GCG: variants seen among roughly 807,000 people sequenced by gnomAD.
GCG encodes the protein glucagon, also known as pro-glucagon.
Under a neutral mutation model 22.8 loss-of-function variants are expected in GCG, and 11 were observed. The ratio of observed to expected loss-of-function variants is 0.48; its 90% CI spans 0.30 to 0.80. The LOEUF (loss-of-function observed/expected upper bound fraction) is 0.80, where lower values mean the gene tolerates loss of function less well. Among genes scored for constraint, GCG ranks in the 30% least tolerant of loss-of-function variants. The probability of loss-of-function intolerance (pLI) is 0.06; values close to 1 mark genes in which losing one functional copy is unlikely to be tolerated. For synonymous variants in GCG, 89 were observed against 72.4 expected (o/e 1.23, Z -1.16); for missense variants, 222 against 222.0 (o/e 1.00, Z 0.00).
intron 4 of GCG, 103 bp downstream of exon 4, chr2:162,145,437 G>T: frequency 1.1e-6 from 1 of 916,936 alleles, no homozygotes; most frequent in Non-Finnish European, 1.6e-6. Flanking sequence ...TACTTTGCAA[G>T]ACTACTAATT....
Position 162,143,199 on chromosome 2 carries a change from C to A in GCG, c.*165G>T. The A allele has an allele frequency of 2.4e-6, 1 of 413,908 alleles. No individual in the cohort carries two copies. The highest frequency in any genetic ancestry group is 4.3e-5 in the Admixed American group (1 of 23,152). 25.6% of individuals were successfully genotyped at this position (413,908 alleles called of 1,614,324 possible). A position where few individuals can be genotyped will look rare whatever the true frequency, so the allele number is the denominator to read the frequency against. On this transcript the variant is annotated 3_prime_UTR_variant, in exon 6 of 6. Transcript: ENST00000418842. ...GCAATATTTTGATAAAACTTTATTC[C>A]ATTTGTAATTTTTGGCTACACAACA...
At chr2:162,149,426 T>C (rs1465358803) in intron 1 of GCG, among the ~76,000 whole-genome samples, 1 of 152,178 alleles carries the variant, frequency 6.6e-6, no homozygotes, top group Non-Finnish European at 1.5e-5. Context: ...TTAAGCTTTT[T>C]CATTAATGTA....
Position 162,147,273 on chromosome 2 carries a change from G to A in GCG, c.254+80C>T, listed in dbSNP as rs1401775637. 21 of 1,037,828 alleles carry A rather than the reference G, an allele frequency of 2.0e-5. No individual in the cohort carries two copies. In the Admixed American group the frequency reaches 3.7e-4, roughly 18 times the overall value. 64.3% of individuals were successfully genotyped at this position (1,037,828 alleles called of 1,614,324 possible). A position where few individuals can be genotyped will look rare whatever the true frequency, so the allele number is the denominator to read the frequency against. On this transcript the variant is annotated intron_variant, in intron 3 of 5. Coordinates refer to ENST00000418842, the MANE Select transcript of GCG (RefSeq NM_002054.5). ...TATGGGCACTATTTGACGAGCATAA[G>A]AACTTAATAATGTCAAGAGAAATTT... is the stretch of plus-strand genomic sequence containing the variant.
At position 162,149,068 on chromosome 2, in the gene GCG, G is replaced by A. The variant is rs771470880; in HGVS notation, c.92+19C>T. On this transcript the variant is annotated intron_variant, in intron 2 of 5. Transcript: ENST00000418842. Reference sequence around the variant, plus strand: ...TCCAACCATATTGATATGTTAGTTCGAGACTACGGATTTAATACCTGGATT... The same window carrying A: ...TCCAACCATATTGATATGTTAGTTCAAGACTACGGATTTAATACCTGGATT... 3 of 1,482,016 alleles carry A rather than the reference G, an allele frequency of 2.0e-6. No homozygotes were observed. The highest frequency in any genetic ancestry group is 1.4e-5 in the African/African-American group (1 of 72,382). 91.8% of individuals were successfully genotyped at this position (1,482,016 alleles called of 1,614,324 possible). A position where few individuals can be genotyped will look rare whatever the true frequency, so the allele number is the denominator to read the frequency against.
chr2:162,150,921 A>G (rs973585141), intron 1 of GCG, among the ~76,000 whole-genome samples: 4 of 152,140 alleles, frequency 2.6e-5, no homozygotes, highest in Admixed American at 6.6e-5. Context: ...TTCCGTATCT[A>G]ATAATATTAC....
In GCG at chr2:162,143,392, T is replaced by C. The variant is rs1262471400; in HGVS notation, c.537-22A>G. ...TTTCCTAGAGATTAAAAAAAGAAAA[T>C]GATTTAACATAATTATAATAAGATG... On this transcript the variant is annotated intron_variant, in intron 5 of 5. Transcript: ENST00000418842. 3 of 883,542 alleles carry C rather than the reference T, an allele frequency of 3.4e-6. No individual in the cohort carries two copies. In the South Asian group the frequency reaches 5.1e-5, roughly 15 times the overall value. The allele number at this position is 883,542 out of a possible 1,614,324, so 54.7% of individuals were successfully genotyped here.
chr2:162,144,973 G>A (rs1559748964), intron 4 of GCG: 1 of 151,982 alleles, frequency 6.6e-6, no homozygotes, highest in East Asian at 1.9e-4. Context: ...TGGATATGTA[G>A]TTAAATATAT....
intron 1 of GCG, among the ~76,000 whole-genome samples, chr2:162,151,813 T>A (rs371312836): frequency 6.6e-6 from 1 of 152,292 alleles, no homozygotes; most frequent in East Asian, 1.9e-4. Context: ...TACAGATCTA[T>A]CAAGTCCAAG....
rs768746048 is a variant in GCG at position 162,145,562 on chromosome 2, C to A, written c.370G>T (p.Val124Leu). ...TACTCTCGCCTTCCTCGGCCTTTCA[C>A]CAGCCAAGCAATGAATTCCTTGGCA... Reference protein sequence around the residue: ...QAAKEFIAWLVKGRGRRDFPE... With the variant: ...QAAKEFIAWLLKGRGRRDFPE... The change falls in exon 4 of 6, where the codon GTG (valine) becomes TTG (leucine). Residue 124 changes from valine to leucine, a missense_variant. Coordinates refer to ENST00000418842, the MANE Select transcript of GCG (RefSeq NM_002054.5). The A allele has an allele frequency of 6.2e-7, 1 of 1,609,846 alleles. No individual in the cohort carries two copies. Among genetic ancestry groups the A allele is most frequent in the Admixed American group, 1.7e-5 (1 of 59,532 alleles).
In GCG at chr2:162,149,137, C is replaced by G; in HGVS notation, c.42G>C (p.Leu14=). The G allele has an allele frequency of 6.2e-7, 1 of 1,612,434 alleles. No homozygotes were observed. ...GGGAACGTTGCCAGCTGCCTTGTACCAGCATTACAAATAATCCAGCCACAA... is the reference window on the plus strand; with the variant it reads ...GGGAACGTTGCCAGCTGCCTTGTACGAGCATTACAAATAATCCAGCCACAA... ...IYFVAGLFVM[L]VQGSWQRSLQ... The change falls in exon 2 of 6, where the codon CTG becomes CTC. Residue 14 remains leucine, a synonymous_variant. Transcript: ENST00000418842.
At chr2:162,151,579 C>A (rs1462906202) in intron 1 of GCG, among the ~76,000 whole-genome samples, 1 of 152,130 alleles carries the variant, frequency 6.6e-6, no homozygotes, top group African/African-American at 2.4e-5. Flanking sequence ...ATAGATGACA[C>A]TTGTTCTCTG....
In GCG at chr2:162,144,161, T is replaced by C; in HGVS notation, c.402A>G (p.Glu134=). Residue 134 remains glutamate (E), a synonymous_variant, in exon 5 of 6, where the codon GAA becomes GAG. Coordinates refer to ENST00000418842, the MANE Select transcript of GCG (RefSeq NM_002054.5). ...CAAGTTCTTCAACAATGGCGACCTC[T>C]TCTGGGAAACTAAGAAAATAAGTGT... ...VKGRGRRDFP[E]EVAIVEELGR... The C allele has an allele frequency of 6.2e-7, 1 of 1,610,420 alleles. No individual in the cohort carries two copies. The highest frequency in any genetic ancestry group is 8.5e-7 in the Non-Finnish European group (1 of 1,176,908).
chr2:162,144,273 G>GAATCCTT, intron 4 of GCG, 103 bp from the exon 5 acceptor site: 1 of 915,468 alleles, frequency 1.1e-6, no homozygotes, highest in Non-Finnish European at 1.8e-6. Flanking sequence ...TGAGGAAACA[G>GAATCCTT]TAAAGGATTC....
At chr2:162,149,438 G>A (rs1174438361) in intron 1 of GCG, among the ~76,000 whole-genome samples, 2 of 151,942 alleles carry the variant, frequency 1.3e-5, no homozygotes, top group African/African-American at 4.8e-5. Context: ...ATTAATGTAG[G>A]GACACTTCTG....
At chr2:162,143,982 T>C (rs374750885) in intron 5 of GCG, 45 bp downstream of exon 5, 12 of 1,560,306 alleles carry the variant, frequency 7.7e-6, no homozygotes, top group Non-Finnish European at 1.1e-5. Context: ...CAATCAGTAC[T>C]TATGAGAATT....
At chr2:162,149,517 A>G (rs974030434) in intron 1 of GCG, among the ~76,000 whole-genome samples, 1 of 152,100 alleles carries the variant, frequency 6.6e-6, no homozygotes, top group Non-Finnish European at 1.5e-5. Context: ...TAAAATACCC[A>G]CTGTAGATGA....
chr2:162,143,332 T>C lies in GCG; in HGVS notation c.*32A>G. On this transcript the variant is annotated 3_prime_UTR_variant, in exon 6 of 6. Transcript: ENST00000418842. ...AACATCCCACGTGGCTAGCAGGTGA[T>C]GTTGTGAAGATGATCTTGAATAGTG... 8.2e-7 allele frequency: 1 copy of C among 1,216,406 alleles called. No homozygotes were observed. The highest frequency in any genetic ancestry group is 1.5e-5 in the African/African-American group (1 of 65,914). 75.4% of individuals were successfully genotyped at this position (1,216,406 alleles called of 1,614,324 possible).
Position 162,145,538 on chromosome 2 carries a change from AC to A in GCG, c.392+1del. 1.2e-6 allele frequency: 2 copies of A among 1,606,382 alleles called. No individual in the cohort carries two copies. The stretch of plus-strand genomic sequence containing the variant: ...ATGTCAAATAAGAATGTACAGACTT[AC>A]TCTCGCCTTCCTCGGCCTTTCACCA... On this transcript the variant is annotated splice_donor_variant, in intron 4 of 5. Transcript: ENST00000418842. LOFTEE classifies it high-confidence loss of function.
At position 162,145,626 on chromosome 2, in the gene GCG, G is replaced by T. The variant is rs553036783; in HGVS notation, c.306C>A (p.Thr102=). 6.2e-6 allele frequency: 10 copies of T among 1,610,384 alleles called. No homozygotes were observed. Among genetic ancestry groups the T allele is most frequent in the Middle Eastern group, 1.6e-4 (1 of 6,080 alleles). The change falls in exon 4 of 6, where the codon ACC becomes ACA. Residue 102 remains threonine, a synonymous_variant. Coordinates refer to ENST00000418842, the MANE Select transcript of GCG (RefSeq NM_002054.5). The stretch of plus-strand genomic sequence containing the variant: ...AATAAGAACTTACATCACTGGTAAA[G>T]GTCCCTTCAGCATGTCTCTCAAATT... ...HDEFERHAEG[T]FTSDVSSYLE...
Sources: allele counts gnomAD v4.1 joint callset (sites outside exome capture counted in the v4.1 genomes callset), GRCh38; gene constraint gnomAD v4.1.1; transcripts MANE v1.5; gene names NCBI Gene and HGNC (gene_info 2026-07-23, HGNC 2026-07-21).